The following SLC2A9 variants were observed in gnomAD, a reference collection of about 807,000 sequenced individuals.
The protein encoded by SLC2A9 is solute carrier family 2, facilitated glucose transporter member 9.
SLC2A9 carries 39 observed loss-of-function variants against 50.6 expected under a neutral mutation model. The observed-to-expected ratio is 0.77, with a 90% CI of 0.60 to 1.01. The LOEUF is 1.01. Among genes scored for constraint, SLC2A9 ranks in the 50% least tolerant of loss-of-function variants. The pLI is 0.00. For missense variants in SLC2A9, 686 were observed against 677.6 expected (o/e 1.01, Z -0.14); for synonymous variants, 324 against 276.9 (o/e 1.17, Z -1.69).
chr4:9,998,234 T>C (rs1057332917), intron 2 of SLC2A9, among the ~76,000 whole-genome samples: 3 of 152,210 alleles, frequency 2.0e-5, no homozygotes, highest in African/African-American at 7.2e-5. Context: ...GAGTTCCCTG[T>C]TGCTACCCAA....
At chr4:9,819,708 C>T (rs1244166630) in intron 3 of SLC2A9, among the ~76,000 whole-genome samples, 2 of 152,208 alleles carry the variant, frequency 1.3e-5, no homozygotes, top group Non-Finnish European at 2.9e-5. Flanking sequence ...CCAAGGCGTG[C>T]AGACCACCTG....
chr4:9,898,107 G>A (rs538815643), intron 8 of SLC2A9, among the ~76,000 whole-genome samples: 16 of 152,268 alleles, frequency 1.1e-4, no homozygotes, highest in Non-Finnish European at 2.2e-4. Context: ...TTCTGGCCTT[G>A]AGAACTGTGA....
At chr4:9,947,386 C>T (rs1424566891) in intron 5 of SLC2A9, among the ~76,000 whole-genome samples, 1 of 152,168 alleles carries the variant, frequency 6.6e-6, no homozygotes, top group Admixed American at 6.5e-5. Context: ...GTGAAAGGTG[C>T]ACCGAGCACT....
intron 6 of SLC2A9, among the ~76,000 whole-genome samples, chr4:9,927,610 A>G (rs1745139318): frequency 1.3e-5 from 2 of 152,200 alleles, no homozygotes; most frequent in Admixed American, 1.3e-4. Context: ...TTTATTTTTC[A>G]ATGACTAATG....
intron 10 of SLC2A9, among the ~76,000 whole-genome samples, chr4:9,836,545 A>C (rs554825264): frequency 3.9e-5 from 6 of 152,174 alleles, no homozygotes; most frequent in Non-Finnish European, 5.9e-5. Context: ...GGATTGGGCC[A>C]AAGTCTACAA....
intron 6 of SLC2A9, among the ~76,000 whole-genome samples, chr4:9,924,458 C>A (rs186192988): frequency 6.6e-6 from 1 of 152,190 alleles, no homozygotes; most frequent in Non-Finnish European, 1.5e-5. Context: ...ACGCTGTCCC[C>A]CAGAGGTGAC....
intron 10 of SLC2A9, among the ~76,000 whole-genome samples, chr4:9,854,872 T>C (rs997434357): frequency 1.3e-5 from 2 of 152,192 alleles, no homozygotes; most frequent in Non-Finnish European, 2.9e-5. Context: ...TACATGATCA[T>C]GTCAATAGAT....
intron 10 of SLC2A9, among the ~76,000 whole-genome samples, chr4:9,839,873 G>T (rs533185297): frequency 1.6e-4 from 25 of 152,136 alleles, no homozygotes; most frequent in African/African-American, 5.8e-4. Flanking sequence ...ATAACAAATA[G>T]GTACTAGGCT....
intron 10 of SLC2A9, among the ~76,000 whole-genome samples, chr4:9,844,569 G>A (rs1335005872): frequency 6.6e-6 from 1 of 152,152 alleles, no homozygotes; most frequent in Non-Finnish European, 1.5e-5. Context: ...AATTATGCAC[G>A]TTCTTCATAT....
intron 3 of SLC2A9, among the ~76,000 whole-genome samples, chr4:9,809,613 C>A (rs750948076): frequency 5.3e-5 from 8 of 152,176 alleles, no homozygotes; most frequent in Non-Finnish European, 1.0e-4. Context: ...CCATGACATA[C>A]CTTCTCCCAG....
chr4:9,997,595 G>A (rs13141527), intron 2 of SLC2A9, among the ~76,000 whole-genome samples: 10,799 of 152,102 alleles, frequency 0.071, 704 homozygotes, highest in East Asian at 0.39. Flanking sequence ...AGCTACTCAG[G>A]AGGCTGAGGC....
intron 5 of SLC2A9, among the ~76,000 whole-genome samples, chr4:9,954,088 C>T (rs1444664701): frequency 6.6e-6 from 1 of 152,224 alleles, no homozygotes; most frequent in Non-Finnish European, 1.5e-5. Flanking sequence ...GGATTACAGG[C>T]TTGAGCCACT....
intron 10 of SLC2A9, among the ~76,000 whole-genome samples, chr4:9,845,861 TC>T (rs1728903236): frequency 6.6e-6 from 1 of 152,252 alleles, no homozygotes; most frequent in Non-Finnish European, 1.5e-5. Context: ...ATAGCTCTTT[TC>T]TTTTATTGAA....
intron 8 of SLC2A9, among the ~76,000 whole-genome samples, chr4:9,903,866 ATAT>A (rs1448498034): frequency 6.8e-6 from 1 of 147,378 alleles, no homozygotes; most frequent in Non-Finnish European, 1.5e-5. Context: ...TATATTTTAT[ATAT>A]TATAAATTTT....
At chr4:9,988,932 G>C (rs912824246) in intron 3 of SLC2A9, among the ~76,000 whole-genome samples, 8 of 152,212 alleles carry the variant, frequency 5.3e-5, no homozygotes, top group African/African-American at 1.9e-4. Context: ...CGGATTGGGG[G>C]AAGACATAGG....
chr4:9,890,812 C>T (rs377617440), intron 8 of SLC2A9, 101 bp from the exon 9 acceptor site: 24 of 1,036,758 alleles, frequency 2.3e-5, no homozygotes, highest in East Asian at 1.6e-4. Context: ...TGATTAAAAA[C>T]CGGCTTTGAC....
intron 10 of SLC2A9, 131 bp from the exon 11 acceptor site, chr4:9,835,139 T>G: frequency 1.6e-6 from 2 of 1,286,576 alleles, no homozygotes; most frequent in Non-Finnish European, 2.2e-6. Flanking sequence ...TGGGCCCCAG[T>G]TCCTGAGTCG....
At chr4:9,779,515 C>T (rs191616666), downstream of SLC2A9, among the ~76,000 whole-genome samples, 1,000 of 151,432 alleles carry the variant, frequency 6.6e-3, 35 homozygotes, top group East Asian at 0.083. Context: ...CCTGGGTTCA[C>T]GCCATTCTCC....
chr4:9,855,482 G>A (rs568856683), intron 10 of SLC2A9, among the ~76,000 whole-genome samples: 55 of 152,110 alleles, frequency 3.6e-4, no homozygotes, highest in African/African-American at 1.2e-3. Flanking sequence ...CAAACAAATA[G>A]AAAAACATTC....
Sources: gnomAD v4.1 joint callset for allele counts (sites outside exome capture counted in the v4.1 genomes callset) on GRCh38, gnomAD v4.1.1 for gene constraint, MANE v1.5 for transcripts, NCBI Gene and HGNC (gene_info 2026-07-23, HGNC 2026-07-21) for gene names.